LRRC9: variants seen among roughly 807,000 people sequenced by gnomAD.
The protein encoded by LRRC9 is leucine-rich repeat-containing protein 9.
LRRC9 carries 122 observed loss-of-function variants against 63.2 expected under a neutral mutation model. That is an observed-to-expected ratio of 1.93 (90% CI 1.67 to 2.24). The LOEUF (loss-of-function observed/expected upper bound fraction) is 2.24. Ranked by LOEUF, LRRC9 falls within the 30% of genes most tolerant of loss-of-function variation. LRRC9 has a pLI of 0.00. For synonymous variants in LRRC9, 366 were observed against 213.1 expected (o/e 1.72, Z -6.25); for missense variants, 1,071 against 627.7 (o/e 1.71, Z -7.55).
chr14:60,044,413 T>A (rs1286331988), intron 29 of LRRC9, among the ~76,000 whole-genome samples: 1 of 152,196 alleles, frequency 6.6e-6, no homozygotes, highest in Non-Finnish European at 1.5e-5. Context: ...CTTTCAACTT[T>A]TTTGACATAG....
chr14:59,945,532 TTA>T (rs1314980435), intron 8 of LRRC9, among the ~76,000 whole-genome samples: 18 of 151,956 alleles, frequency 1.2e-4, no homozygotes, highest in Admixed American at 2.6e-4. Flanking sequence ...ATGGATATAT[TTA>T]TCTGATCTCA....
Position 59,962,237 on chromosome 14 carries a change from C to T in LRRC9, c.1211+1192C>T, listed in dbSNP as rs1884422547. Among the ~76,000 whole-genome samples the T allele has an allele frequency of 6.6e-6, 1 of 152,080 alleles. No individual in the cohort carries two copies. The highest frequency in any genetic ancestry group is 1.5e-5 in the Non-Finnish European group (1 of 68,008). On this transcript the variant is annotated intron_variant, in intron 10 of 31. Coordinates refer to ENST00000445360, the Ensembl canonical transcript of LRRC9. This position sits in a 1 kb window ranked among gnomAD's most constrained non-coding sequence, Gnocchi z 5.1. ...CTTTGTATTAGTACATCCATTTGCC[C>T]AGCAGTTACTACTGTTTGCTTAACC...
chr14:59,980,448 C>A (rs925423443), intron 15 of LRRC9, among the ~76,000 whole-genome samples: 1 of 152,104 alleles, frequency 6.6e-6, no homozygotes, highest in Non-Finnish European at 1.5e-5. Context: ...CCCCACTCAT[C>A]TTTTTAAACT....
At chr14:59,952,316 C>T (rs1042554892) in intron 8 of LRRC9, among the ~76,000 whole-genome samples, 2 of 152,248 alleles carry the variant, frequency 1.3e-5, no homozygotes, top group African/African-American at 2.4e-5. Context: ...TCCCTGACCC[C>T]TTGCGCTTCC....
intron 29 of LRRC9, among the ~76,000 whole-genome samples, chr14:60,045,310 T>C (rs1410385684): frequency 6.6e-6 from 1 of 152,192 alleles, no homozygotes; most frequent in Non-Finnish European, 1.5e-5. Flanking sequence ...GTGCAGGATG[T>C]GCAGGTCTGT....
In LRRC9 at chr14:59,958,236, G is replaced by A. The variant is rs1027412409; in HGVS notation, c.883-1582G>A. On this transcript the variant is annotated intron_variant, in intron 8 of 31. Coordinates refer to ENST00000445360, the Ensembl canonical transcript of LRRC9. This position sits in a 1 kb window ranked among gnomAD's most constrained non-coding sequence, Gnocchi z 4.0. Reference sequence around the variant, plus strand: ...AGGAACGATTAAATCTGCTGCAGCTGTGCCCACAGCCACCCCTTCCACCAG... The same window carrying A: ...AGGAACGATTAAATCTGCTGCAGCTATGCCCACAGCCACCCCTTCCACCAG... 1.3e-5 allele frequency among the ~76,000 whole-genome samples: 2 copies of A among 152,198 alleles called. No individual in the cohort carries two copies. The highest frequency in any genetic ancestry group is 2.9e-5 in the Non-Finnish European group (2 of 68,026).
chr14:60,033,151 A>G (rs1006034964), intron 29 of LRRC9, among the ~76,000 whole-genome samples: 19 of 152,126 alleles, frequency 1.2e-4, no homozygotes, highest in Non-Finnish European at 2.5e-4. Flanking sequence ...GAGTGTATAC[A>G]TTCTGATTTT....
chr14:60,026,379 A>T (rs1305266578), intron 27 of LRRC9, among the ~76,000 whole-genome samples: 1 of 151,984 alleles, frequency 6.6e-6, no homozygotes. Context: ...TTTTCCATAT[A>T]CCTGTTGACC....
chr14:60,058,176 TCA>T lies in LRRC9; in HGVS notation c.4276+155_4276+156del, dbSNP rs1254056971. On this transcript the variant is annotated intron_variant, in intron 31 of 31. Coordinates refer to ENST00000445360, the Ensembl canonical transcript of LRRC9. The surrounding 1 kb of genome is among the most constrained non-coding windows in gnomAD (Gnocchi z 4.4). ...CAAGTTTCCTATGGCCATTTTGATT[TCA>T]GAGATTATAGTTTTATTATTTTTAG... is the stretch of plus-strand genomic sequence containing the variant. Among the ~76,000 whole-genome samples, 1 of 152,182 alleles carries T rather than the reference TCA, an allele frequency of 6.6e-6. No individual in the cohort carries two copies. Among genetic ancestry groups the T allele is most frequent in the Non-Finnish European group, 1.5e-5 (1 of 68,002 alleles).
chr14:59,925,198 C>G (rs543499885), intron 1 of LRRC9, among the ~76,000 whole-genome samples: 1 of 152,136 alleles, frequency 6.6e-6, no homozygotes, highest in Non-Finnish European at 1.5e-5. Context: ...GGTCCCATCC[C>G]TCCTTCTTGA....
intron 12 of LRRC9, 36 bp downstream of exon 12, chr14:59,967,249 C>T: frequency 1.8e-6 from 1 of 550,216 alleles, no homozygotes; most frequent in Non-Finnish European, 3.4e-6. Flanking sequence ...ATGCTTTCTT[C>T]CTAGCAAGTG....
Position 59,932,760 on chromosome 14 carries a change from T to C in LRRC9, c.543+721T>C, listed in dbSNP as rs1337419827. ...CACTATCATCTCTAACCTGCATTAA[T>C]GAAAAATATCTTCCTAACAATTTTT... On this transcript the variant is annotated intron_variant, in intron 6 of 31. Transcript: ENST00000445360. This position sits in a 1 kb window ranked among gnomAD's most constrained non-coding sequence, Gnocchi z 4.7. Among the ~76,000 whole-genome samples the C allele has an allele frequency of 3.3e-5, 5 of 152,086 alleles. No individual in the cohort carries two copies. Among genetic ancestry groups the C allele is most frequent in the African/African-American group, 1.2e-4 (5 of 41,428 alleles).
intron 29 of LRRC9, among the ~76,000 whole-genome samples, chr14:60,035,464 G>A (rs901962585): frequency 2.0e-5 from 3 of 152,090 alleles, no homozygotes; most frequent in Middle Eastern, 3.2e-3. Flanking sequence ...TCTTCTAGTA[G>A]TTTCATAGTT....
intron 20 of LRRC9, among the ~76,000 whole-genome samples, chr14:60,002,793 T>C (rs893017176): frequency 6.6e-6 from 1 of 152,140 alleles, no homozygotes; most frequent in African/African-American, 2.4e-5. Context: ...TAAAGGGCCA[T>C]TCTAATTCCG....
chr14:60,065,647 C>CA (rs60064309), downstream of LRRC9, among the ~76,000 whole-genome samples: 35 of 25,984 alleles, frequency 1.3e-3, 5 homozygotes, highest in South Asian at 2.2e-3. Flanking sequence ...GACTCCCTCT[C>CA]AAAAAAAAAA....
At chr14:60,016,693 T>C (rs1256644534) in exon 24 of LRRC9, 1 of 700,704 alleles carries the variant, frequency 1.4e-6, no homozygotes, top group Non-Finnish European at 2.6e-6. Context: ...AAAAGATTTG[T>C]TTGGTGGTAG....
At chr14:59,983,777 A>G (rs573732688) in intron 16 of LRRC9, among the ~76,000 whole-genome samples, 2 of 152,268 alleles carry the variant, frequency 1.3e-5, no homozygotes, top group South Asian at 4.2e-4. Flanking sequence ...TGGAAGCCAA[A>G]ATTTAAAAGT....
intron 10 of LRRC9, among the ~76,000 whole-genome samples, chr14:59,965,255 T>C (rs953432533): frequency 6.6e-6 from 1 of 152,150 alleles, no homozygotes; most frequent in Non-Finnish European, 1.5e-5. Context: ...AGCTGGCCCC[T>C]GCTCCTCCTC....
Position 59,942,747 on chromosome 14 carries a change from G to A in LRRC9, c.727-1842G>A, listed in dbSNP as rs1881917118. On this transcript the variant is annotated intron_variant, in intron 7 of 31. Transcript: ENST00000445360. The surrounding 1 kb of genome is among the most constrained non-coding windows in gnomAD (Gnocchi z 5.3). ...CGTCTCAAAAAAAAGAGTTCCCTTT[G>A]CTCTGCATCCTCGCCAGCATCTCTC... Among the ~76,000 whole-genome samples the A allele has an allele frequency of 6.6e-6, 1 of 151,628 alleles. No individual in the cohort carries two copies. The highest frequency in any genetic ancestry group is 1.5e-5 in the Non-Finnish European group (1 of 67,916).
Sources: allele counts gnomAD v4.1 joint callset (sites outside exome capture counted in the v4.1 genomes callset), GRCh38; gene constraint gnomAD v4.1.1; non-coding constraint Gnocchi (gnomAD v3.1); transcripts MANE v1.5; gene names NCBI Gene and HGNC (gene_info 2026-07-23, HGNC 2026-07-21).